The following ZFAND4 variants were observed in gnomAD, a reference collection of about 807,000 sequenced individuals.
ZFAND4 encodes zinc finger AN1-type containing 4, also known as AN1-type zinc finger protein 4.
In ZFAND4, 43 loss-of-function variants were observed where a neutral mutation model predicts 64.4. That is an observed-to-expected ratio of 0.67 (90% CI 0.52 to 0.86). ZFAND4 has a LOEUF of 0.86. Among genes scored for constraint, ZFAND4 ranks in the 40% least tolerant of loss-of-function variants. The probability of loss-of-function intolerance (pLI) is 0.00; values close to 1 mark genes in which losing one functional copy is unlikely to be tolerated. For missense variants in ZFAND4, 929 were observed against 859.8 expected, an observed-to-expected ratio of 1.08 and a Z score of -1.01; for synonymous variants, 296 against 305.7, an observed-to-expected ratio of 0.97 and a Z score of 0.33.
At chr10:45,650,113 T>C (rs2047664376) in intron 4 of ZFAND4, 1 of 152,168 alleles carries the variant, frequency 6.6e-6, no homozygotes, top group African/African-American at 2.4e-5. Context: ...TTTTTATTTG[T>C]ATTCGTTTTT....
intron 8 of ZFAND4, among the ~76,000 whole-genome samples, chr10:45,622,630 C>A (rs1037981388): frequency 6.6e-6 from 1 of 152,168 alleles, no homozygotes; most frequent in African/African-American, 2.4e-5. Context: ...TAAATTCTGC[C>A]ATTTTCATTT....
intron 2 of ZFAND4, among the ~76,000 whole-genome samples, chr10:45,657,961 G>A (rs2048240766): frequency 6.6e-6 from 1 of 152,318 alleles, no homozygotes; most frequent in African/African-American, 2.4e-5. Context: ...AAAAGGTACA[G>A]GAGAATTCTG....
intron 4 of ZFAND4, chr10:45,651,544 T>G (rs548551791): frequency 2.1e-6 from 1 of 470,466 alleles, no homozygotes; most frequent in South Asian, 1.6e-5. Context: ...ATAATATCCA[T>G]GAAACCCAGA....
At chr10:45,627,807 T>C (rs1004591995) in intron 6 of ZFAND4, among the ~76,000 whole-genome samples, 1 of 152,166 alleles carries the variant, frequency 6.6e-6, no homozygotes, top group Non-Finnish European at 1.5e-5. Flanking sequence ...TTCACATATA[T>C]TGTTACAACT....
At chr10:45,657,162 T>C (rs55895325) in intron 2 of ZFAND4, among the ~76,000 whole-genome samples, 15,332 of 152,026 alleles carry the variant, frequency 0.1, 982 homozygotes, top group Non-Finnish European at 0.14. Context: ...TACAGGCGCA[T>C]GCCACCACGC....
intron 1 of ZFAND4, among the ~76,000 whole-genome samples, chr10:45,668,253 A>G (rs2048961787): frequency 6.6e-6 from 1 of 152,204 alleles, no homozygotes; most frequent in South Asian, 2.1e-4. Flanking sequence ...AGGATTTGGT[A>G]TCAGGGTAAT....
intron 8 of ZFAND4, among the ~76,000 whole-genome samples, chr10:45,619,796 G>A (rs555495416): frequency 9.3e-4 from 141 of 151,866 alleles, no homozygotes; most frequent in Non-Finnish European, 1.5e-3. Context: ...TCCAGATCTT[G>A]CCAAAACTAG....
intron 1 of ZFAND4, among the ~76,000 whole-genome samples, chr10:45,669,187 G>A (rs1037337303): frequency 1.3e-5 from 2 of 152,242 alleles, no homozygotes; most frequent in South Asian, 2.1e-4. Context: ...AATAAAAAAA[G>A]ATAAAGGGGA....
chr10:45,625,255 G>A (rs1181626138), intron 7 of ZFAND4, among the ~76,000 whole-genome samples: 2 of 150,340 alleles, frequency 1.3e-5, no homozygotes, highest in African/African-American at 2.4e-5. Flanking sequence ...GGTGGATCAC[G>A]AGGTCAGGAG....
At chr10:45,649,646 G>A (rs768658374) in intron 4 of ZFAND4, 2 of 152,194 alleles carry the variant, frequency 1.3e-5, no homozygotes, top group Non-Finnish European at 2.9e-5. Context: ...CTTGCTTTAT[G>A]AAAACAGTTA....
intron 6 of ZFAND4, among the ~76,000 whole-genome samples, chr10:45,631,991 G>T (rs934538062): frequency 6.6e-6 from 1 of 152,174 alleles, no homozygotes; most frequent in East Asian, 1.9e-4. Context: ...CCTTTCTTGA[G>T]GACTTCAGAT....
At position 45,626,503 on chromosome 10, in the gene ZFAND4, C is replaced by G; in HGVS notation, c.1320G>C (p.Gln440His). 6.2e-7 allele frequency: 1 copy of G among 1,613,916 alleles called. No homozygotes were observed. The highest frequency in any genetic ancestry group is 2.2e-5 in the East Asian group (1 of 44,882). The stretch of plus-strand genomic sequence containing the variant: ...GCACTCCTGCAACATGCTTGAGATG[C>G]TGCTCTGGAGCTTTCAACCCTTTGT... Reference protein sequence around the residue: ...NADKGLKAPEQHLKHVAGVLN... With the variant: ...NADKGLKAPEHHLKHVAGVLN... The change falls in exon 7 of 10, where the codon CAG (glutamine) becomes CAC (histidine). Residue 440 changes from glutamine (Q) to histidine (H), a missense_variant. By Grantham distance (24) the Gln-to-His change is conservative. Transcript: ENST00000344646.
At chr10:45,638,527 G>T (rs1319739126) in intron 6 of ZFAND4, among the ~76,000 whole-genome samples, 2 of 151,834 alleles carry the variant, frequency 1.3e-5, no homozygotes, top group African/African-American at 4.8e-5. Flanking sequence ...ACCAAAAAAT[G>T]CTTGGCAAAA....
At chr10:45,623,001 C>A (rs1197227153) in intron 8 of ZFAND4, among the ~76,000 whole-genome samples, 1 of 152,146 alleles carries the variant, frequency 6.6e-6, no homozygotes, top group African/African-American at 2.4e-5. Context: ...AAATCAACTT[C>A]ACTAATTAGG....
chr10:45,640,113 A>C (rs2046883535), intron 5 of ZFAND4, 150 bp from the exon 6 acceptor site: 3 of 1,288,122 alleles, frequency 2.3e-6, no homozygotes, highest in Non-Finnish European at 3.1e-6. Flanking sequence ...ATATATTTCA[A>C]AGAATGTACT....
chr10:45,633,629 A>C (rs895641854), intron 6 of ZFAND4, among the ~76,000 whole-genome samples: 4 of 151,992 alleles, frequency 2.6e-5, no homozygotes, highest in Non-Finnish European at 5.9e-5. Flanking sequence ...AGGAAATACC[A>C]ACTAAAATTG....
chr10:45,647,143 G>GT (rs949253373), intron 5 of ZFAND4, among the ~76,000 whole-genome samples: 1 of 152,198 alleles, frequency 6.6e-6, no homozygotes, highest in Non-Finnish European at 1.5e-5. Context: ...CGTTGCAGAT[G>GT]TAATTTAGGC....
At chr10:45,658,669 C>T (rs542459771) in intron 2 of ZFAND4, among the ~76,000 whole-genome samples, 21 of 152,138 alleles carry the variant, frequency 1.4e-4, no homozygotes, top group Admixed American at 1.2e-3. Flanking sequence ...TTACAAAGCC[C>T]TTAAAGAACT....
intron 8 of ZFAND4, among the ~76,000 whole-genome samples, chr10:45,620,131 T>C (rs1194319342): frequency 1.3e-5 from 2 of 152,134 alleles, no homozygotes; most frequent in Admixed American, 6.5e-5. Flanking sequence ...ACATTTTCAT[T>C]TTTTTTCTTT....
Sources: gnomAD v4.1 joint callset for allele counts (sites outside exome capture counted in the v4.1 genomes callset) on GRCh38, gnomAD v4.1.1 for gene constraint, MANE v1.5 for transcripts, NCBI Gene and HGNC (gene_info 2026-07-23, HGNC 2026-07-21) for gene names.